Variants in SPACA1 observed in about 807,000 individuals in gnomAD.
The protein encoded by SPACA1 is sperm acrosome associated 1.
A neutral mutation model predicts 32.6 loss-of-function variants in SPACA1; 17 were observed. The observed-to-expected ratio is 0.52, with a 90% CI of 0.36 to 0.78. The LOEUF (loss-of-function observed/expected upper bound fraction) is 0.78. SPACA1 is among the 30% of genes least tolerant of loss of function. The probability of loss-of-function intolerance (pLI) is 0.01; values close to 1 mark genes in which losing one functional copy is unlikely to be tolerated. For synonymous variants in SPACA1, 140 were observed against 138.1 expected, an observed-to-expected ratio of 1.01 and a Z score of -0.10; for missense variants, 363 against 373.4, an observed-to-expected ratio of 0.97 and a Z score of 0.23.
At chr6:88,060,221 A>G (rs1297997250) in intron 5 of SPACA1, among the ~76,000 whole-genome samples, 2 of 152,226 alleles carry the variant, frequency 1.3e-5, no homozygotes, top group Non-Finnish European at 2.9e-5. Flanking sequence ...AGTTTAATCT[A>G]TGATGGCTTA....
chr6:88,061,063 A>G (rs1248702850), intron 5 of SPACA1, among the ~76,000 whole-genome samples: 1 of 152,208 alleles, frequency 6.6e-6, no homozygotes, highest in Non-Finnish European at 1.5e-5. Context: ...TGGGTACACC[A>G]CTGCAACAGA....
rs958690269 is a variant in SPACA1 at position 88,061,305 on chromosome 6, C to G, written c.610+1717C>G. Among the ~76,000 whole-genome samples the G allele has an allele frequency of 3.9e-5, 6 of 152,120 alleles. 1 individual carries two copies. In the South Asian group the frequency reaches 1.0e-3, roughly 26 times the overall value. On this transcript the variant is annotated intron_variant, in intron 5 of 6. Coordinates refer to ENST00000237201, the MANE Select transcript of SPACA1 (RefSeq NM_030960.3). ...ACTTTGAAGTACTCAGAATGTGACT[C>G]TATTTGGAAATAGGACTTTTTACAG... is the stretch of plus-strand genomic sequence containing the variant.
chr6:88,056,895 G>A (rs1383559848), intron 2 of SPACA1, among the ~76,000 whole-genome samples: 12 of 152,180 alleles, frequency 7.9e-5, no homozygotes, highest in Admixed American at 7.9e-4. Context: ...AATCTAAAGA[G>A]AGCATCTTGT....
At chr6:88,048,576 G>A (rs806426) in intron 1 of SPACA1, among the ~76,000 whole-genome samples, 137,117 of 152,168 alleles carry the variant, frequency 0.9, 61,980 homozygotes, top group African/African-American at 0.96. Flanking sequence ...CCAGTATGCC[G>A]ACAAAACTGC....
At chr6:88,054,045 C>T (rs753680053) in intron 2 of SPACA1, 43 bp downstream of exon 2, 109 of 1,579,012 alleles carry the variant, frequency 6.9e-5, no homozygotes, top group Admixed American at 3.0e-4. Context: ...TTGTAATTTG[C>T]GGGGGAGGAA....
chr6:88,047,894 G>C lies in SPACA1; in HGVS notation c.-12G>C, dbSNP rs772750137. On this transcript the variant is annotated 5_prime_UTR_variant, in exon 1 of 7. Coordinates refer to ENST00000237201, the MANE Select transcript of SPACA1 (RefSeq NM_030960.3). ...GCGACTGCGCCTCGGACGGCCGTCG[G>C]GGCCGAGAACCATGAGCCCCAGGGG... The C allele has an allele frequency of 6.5e-7, 1 of 1,532,384 alleles. No individual in the cohort carries two copies. Among genetic ancestry groups the C allele is most frequent in the Middle Eastern group, 2.3e-4 (1 of 4,388 alleles). The allele number at this position is 1,532,384 out of a possible 1,614,324, so 94.9% of individuals were successfully genotyped here.
At chr6:88,059,308 G>T (rs1187447461) in intron 4 of SPACA1, 145 bp from the exon 5 acceptor site, 1 of 701,704 alleles carries the variant, frequency 1.4e-6, no homozygotes, top group Non-Finnish European at 2.2e-6. Context: ...TCTGGATTGT[G>T]TGACTGAAAA....
intron 5 of SPACA1, among the ~76,000 whole-genome samples, chr6:88,061,436 A>G (rs1245568520): frequency 0.022 from 449 of 20,414 alleles, no homozygotes; most frequent in Middle Eastern, 0.058. Flanking sequence ...TTGTGCGCAC[A>G]CACACACACA....
At chr6:88,062,300 G>C (rs1775909060) in intron 5 of SPACA1, among the ~76,000 whole-genome samples, 1 of 152,152 alleles carries the variant, frequency 6.6e-6, no homozygotes, top group East Asian at 1.9e-4. Context: ...TAGAAGACTA[G>C]TTCTGACAGA....
At chr6:88,055,106 T>C (rs1004559986) in intron 2 of SPACA1, among the ~76,000 whole-genome samples, 7 of 152,154 alleles carry the variant, frequency 4.6e-5, no homozygotes, top group Non-Finnish European at 8.8e-5. Flanking sequence ...ATCCATGTAG[T>C]AAGCCTGCAA....
chr6:88,059,171 T>C (rs1332117045), intron 4 of SPACA1, among the ~76,000 whole-genome samples: 1 of 152,196 alleles, frequency 6.6e-6, no homozygotes, highest in Non-Finnish European at 1.5e-5. Context: ...CACTGAGTGC[T>C]AGAGCCTTTT....
intron 2 of SPACA1, among the ~76,000 whole-genome samples, chr6:88,057,261 A>G (rs1268557208): frequency 6.6e-6 from 1 of 152,212 alleles, no homozygotes; most frequent in Non-Finnish European, 1.5e-5. Flanking sequence ...AATGTACACA[A>G]TAGCATGTTA....
At chr6:88,047,612 G>A (rs1165355069), upstream of SPACA1, among the ~76,000 whole-genome samples, 1 of 152,234 alleles carries the variant, frequency 6.6e-6, no homozygotes, top group African/African-American at 2.4e-5. Context: ...GGCTCAAGGA[G>A]GCGCCCTGGG....
chr6:88,056,926 G>A (rs1437724231), intron 2 of SPACA1, among the ~76,000 whole-genome samples: 1 of 152,208 alleles, frequency 6.6e-6, no homozygotes, highest in Non-Finnish European at 1.5e-5. Context: ...GATTTGGTCA[G>A]TAATAGGTTC....
intron 1 of SPACA1, among the ~76,000 whole-genome samples, chr6:88,050,709 C>G (rs1775715216): frequency 6.6e-6 from 1 of 152,160 alleles, no homozygotes; most frequent in Non-Finnish European, 1.5e-5. Context: ...ATTCTTTCAC[C>G]ATTACATTAT....
intron 5 of SPACA1, among the ~76,000 whole-genome samples, chr6:88,061,057 T>C (rs1775890075): frequency 1.3e-5 from 2 of 152,204 alleles, no homozygotes; most frequent in Non-Finnish European, 1.5e-5. Context: ...GACAATTGGG[T>C]ACACCACTGC....
intron 2 of SPACA1, 98 bp downstream of exon 2, chr6:88,054,100 A>T: frequency 1.0e-6 from 1 of 964,962 alleles, no homozygotes; most frequent in South Asian, 1.6e-5. Context: ...GTGTACTTTC[A>T]TGCATCTCTC....
At chr6:88,060,392 A>G (rs1414263173) in intron 5 of SPACA1, among the ~76,000 whole-genome samples, 1 of 152,226 alleles carries the variant, frequency 6.6e-6, no homozygotes, top group Non-Finnish European at 1.5e-5. Flanking sequence ...ACATACACAA[A>G]TATGCCAAAA....
At chr6:88,063,723 A>G (rs998207626) in intron 5 of SPACA1, among the ~76,000 whole-genome samples, 3 of 152,190 alleles carry the variant, frequency 2.0e-5, no homozygotes, top group Non-Finnish European at 4.4e-5. Flanking sequence ...AGAAAAAACT[A>G]ATATTAAACT....
Sources: allele counts gnomAD v4.1 joint callset (sites outside exome capture counted in the v4.1 genomes callset), GRCh38; gene constraint gnomAD v4.1.1; transcripts MANE v1.5; gene names NCBI Gene and HGNC (gene_info 2026-07-23, HGNC 2026-07-21).